CDH11: variants seen among roughly 807,000 people sequenced by gnomAD.
CDH11 encodes cadherin-11.
CDH11 carries 11 observed loss-of-function variants against 67.8 expected under a neutral mutation model. That is an observed-to-expected ratio of 0.16 (90% CI 0.10 to 0.27). The LOEUF is 0.27. Ranked by LOEUF, CDH11 falls within the 10% of genes least tolerant of loss-of-function variation. CDH11 has a pLI of 1.00. For missense variants in CDH11, 847 were observed against 1,031.2 expected, an observed-to-expected ratio of 0.82 and a Z score of 2.45; for synonymous variants, 419 against 400.0, an observed-to-expected ratio of 1.05 and a Z score of -0.57.
At chr16:64,993,198 C>CTTCCTTCCTTCCTTCT (rs1442674790) in intron 4 of CDH11, among the ~76,000 whole-genome samples, 164 bp from the exon 5 acceptor site, 2 of 62,578 alleles carry the variant, frequency 3.2e-5, no homozygotes, top group African/African-American at 1.1e-4. Context: ...GCCAACCAAC[C>CTTCCTTCCTTCCTTCT]TTCCTTCCTT....
chr16:65,122,980 T>C (rs2075360624), upstream of CDH11, among the ~76,000 whole-genome samples: 1 of 152,164 alleles, frequency 6.6e-6, no homozygotes, highest in South Asian at 2.1e-4. Flanking sequence ...AAGGGCCTAA[T>C]GGGGCGCAGC....
intron 2 of CDH11, among the ~76,000 whole-genome samples, chr16:65,019,896 C>CA (rs796541490): frequency 5.7e-4 from 81 of 141,688 alleles, no homozygotes; most frequent in Middle Eastern, 3.5e-3. Flanking sequence ...TAAACTAGGC[C>CA]AAAAAAAAAA....
At chr16:65,056,482 C>T (rs561354957) in intron 1 of CDH11, among the ~76,000 whole-genome samples, 1 of 152,132 alleles carries the variant, frequency 6.6e-6, no homozygotes. Flanking sequence ...TTGTTATATG[C>T]CACTAAATGT....
At chr16:65,024,024 G>T (rs920809876) in intron 2 of CDH11, among the ~76,000 whole-genome samples, 5 of 152,210 alleles carry the variant, frequency 3.3e-5, no homozygotes, top group Non-Finnish European at 7.3e-5. Context: ...TCAAGGTGGA[G>T]TCACTCTGGT....
rs530737473 is a variant in CDH11, at chr16:65,070,576, T to C, written c.-297-16648A>G. 4.6e-5 allele frequency among the ~76,000 whole-genome samples: 7 copies of C among 152,270 alleles called. No homozygotes were observed. The East Asian group carries it at 1.2e-3, about 25-fold the overall frequency. On this transcript the variant is annotated intron_variant, in intron 1 of 12. Coordinates refer to ENST00000268603, the MANE Select transcript of CDH11 (RefSeq NM_001797.4). ...AAGGCACTTGGCACCACCCCACACA[T>C]GCCATGGGTGAGCAATAAATTTTAC...
intron 1 of CDH11, among the ~76,000 whole-genome samples, chr16:65,074,192 T>C (rs1015877252): frequency 2.6e-5 from 4 of 152,192 alleles, no homozygotes; most frequent in Middle Eastern, 3.4e-3. Context: ...GAAGCAGGGA[T>C]AGGAATGCCA....
At chr16:65,095,356 T>C (rs2074871573) in intron 1 of CDH11, among the ~76,000 whole-genome samples, 1 of 152,200 alleles carries the variant, frequency 6.6e-6, no homozygotes, top group Admixed American at 6.5e-5. Context: ...CACTTGCGGC[T>C]TTTGATAAAC....
At chr16:65,111,287 G>C (rs2075151146) in intron 1 of CDH11, among the ~76,000 whole-genome samples, 1 of 152,144 alleles carries the variant, frequency 6.6e-6, no homozygotes, top group African/African-American at 2.4e-5. Context: ...AGCTACTCTA[G>C]AAGGCAGATA....
chr16:64,946,739 A>C lies in CDH11; in HGVS notation c.*864T>G, dbSNP rs2142360848. 1 of 910,086 alleles carries C rather than the reference A, an allele frequency of 1.1e-6. No individual in the cohort carries two copies. Among genetic ancestry groups the C allele is most frequent in the East Asian group, 6.8e-5 (1 of 14,708 alleles). 56.4% of individuals were successfully genotyped at this position (910,086 alleles called of 1,614,324 possible). On this transcript the variant is annotated 3_prime_UTR_variant, in exon 13 of 13. Transcript: ENST00000268603. ...TAGAAATATAAATGGATCATTAGAA[A>C]TACTTAACGTTTGTTTCAATGTTAA... is the stretch of plus-strand genomic sequence containing the variant.
At chr16:65,111,156 A>G (rs1345284568) in intron 1 of CDH11, among the ~76,000 whole-genome samples, 1 of 152,224 alleles carries the variant, frequency 6.6e-6, no homozygotes, top group East Asian at 1.9e-4. Context: ...AAAATATTTC[A>G]GTAGACTGGA....
At chr16:64,960,786 G>A (rs1297568614) in intron 11 of CDH11, among the ~76,000 whole-genome samples, 2 of 152,078 alleles carry the variant, frequency 1.3e-5, no homozygotes, top group African/African-American at 4.8e-5. Flanking sequence ...AAGCTATGGA[G>A]TTTCAGTTAA....
At chr16:64,954,652 G>T (rs1426972811) in intron 11 of CDH11, among the ~76,000 whole-genome samples, 2 of 152,106 alleles carry the variant, frequency 1.3e-5, no homozygotes, top group Non-Finnish European at 2.9e-5. Context: ...GCATTTAGGT[G>T]GTCTGTGTTG....
intron 2 of CDH11, among the ~76,000 whole-genome samples, chr16:65,041,653 A>G (rs2073870353): frequency 6.6e-6 from 1 of 152,204 alleles, no homozygotes; most frequent in African/African-American, 2.4e-5. Flanking sequence ...GGATTATTGG[A>G]ATGTTCTTCT....
intron 2 of CDH11, among the ~76,000 whole-genome samples, chr16:65,028,638 C>A (rs538822851): frequency 7.2e-5 from 11 of 152,272 alleles, no homozygotes; most frequent in Admixed American, 5.9e-4. Context: ...CTACTTTACA[C>A]TACACAGAAT....
intron 1 of CDH11, chr16:65,094,505 C>T (rs902862054): frequency 9.2e-5 from 14 of 151,914 alleles, no homozygotes; most frequent in African/African-American, 2.9e-4. Context: ...TATATAGACA[C>T]ATCTCTAGGG....
chr16:65,122,485 C>T (rs1456193170), upstream of CDH11: 1 of 162,422 alleles, frequency 6.2e-6, no homozygotes, highest in Non-Finnish European at 1.3e-5. Flanking sequence ...TCCAGCTGGC[C>T]AGGCTGGGCT....
chr16:64,967,562 C>T (rs1257010453), intron 11 of CDH11, among the ~76,000 whole-genome samples: 1 of 152,250 alleles, frequency 6.6e-6, no homozygotes, highest in East Asian at 1.9e-4. Flanking sequence ...TTACAGTCAA[C>T]TGATATTATA....
At chr16:65,015,202 A>G (rs8050117) in intron 2 of CDH11, among the ~76,000 whole-genome samples, 9,027 of 151,808 alleles carry the variant, frequency 0.059, 614 homozygotes, top group African/African-American at 0.17. Context: ...GAAACAGTGG[A>G]AAGATGTACA....
At chr16:65,083,044 T>C (rs374942495) in intron 1 of CDH11, among the ~76,000 whole-genome samples, 17 of 152,156 alleles carry the variant, frequency 1.1e-4, no homozygotes, top group African/African-American at 4.1e-4. Flanking sequence ...TACGTGTATA[T>C]TGAGTAGGAA....
Sources: allele counts gnomAD v4.1 joint callset (sites outside exome capture counted in the v4.1 genomes callset), GRCh38; gene constraint gnomAD v4.1.1; transcripts MANE v1.5; gene names NCBI Gene and HGNC (gene_info 2026-07-23, HGNC 2026-07-21).